NAXD: variants seen among roughly 807,000 people sequenced by gnomAD.
NAXD encodes NAD(P)HX dehydratase, also known as ATP-dependent (S)-NAD(P)H-hydrate dehydratase.
In NAXD, 22 loss-of-function variants were observed where a neutral mutation model predicts 35.8. The ratio of observed to expected loss-of-function variants is 0.62; its 90% CI spans 0.44 to 0.88. NAXD has a LOEUF of 0.88. Ranked by LOEUF, NAXD falls within the 40% of genes least tolerant of loss-of-function variation. The probability of loss-of-function intolerance (pLI) is 0.00; values close to 1 mark genes in which losing one functional copy is unlikely to be tolerated. For synonymous variants in NAXD, 189 were observed against 177.6 expected, an observed-to-expected ratio of 1.06 and a Z score of -0.51; for missense variants, 428 against 437.7, an observed-to-expected ratio of 0.98 and a Z score of 0.20.
chr13:110,621,046 A>G (rs1284422869), intron 1 of NAXD, among the ~76,000 whole-genome samples: 2 of 152,210 alleles, frequency 1.3e-5, no homozygotes, highest in African/African-American at 4.8e-5. Flanking sequence ...GTAGCTGTTT[A>G]GAGACAACTC....
chr13:110,632,944 A>G (rs1886767945), intron 5 of NAXD, among the ~76,000 whole-genome samples: 1 of 152,114 alleles, frequency 6.6e-6, no homozygotes, highest in African/African-American at 2.4e-5. Flanking sequence ...TCCCCACCAG[A>G]CTCAGGAGCC....
Position 110,628,576 on chromosome 13 carries a change from G to C in NAXD, c.441+1029G>C, listed in dbSNP as rs567361399. ...GGCGAGTGATGGAGCCAGCAGTGCA[G>C]GATGAGTCATCTGAGGGGCAGGCAG... On this transcript the variant is annotated intron_variant, in intron 5 of 9. Coordinates refer to ENST00000680254, the MANE Select transcript of NAXD (RefSeq NM_001242882.2). The surrounding 1 kb of genome is among the most constrained non-coding windows in gnomAD (Gnocchi z 4.1). Among the ~76,000 whole-genome samples the C allele has an allele frequency of 5.3e-5, 8 of 152,176 alleles. 1 individual carries two copies. The South Asian group carries it at 1.5e-3, about 28-fold the overall frequency.
chr13:110,637,050 G>A (rs1043609691), intron 8 of NAXD, 79 bp from the exon 9 acceptor site: 12 of 1,492,808 alleles, frequency 8.0e-6, no homozygotes, highest in Middle Eastern at 2.3e-4. Flanking sequence ...CCTGCCGTGC[G>A]GCCTTCCACA....
chr13:110,622,434 C>T (rs1886306225), intron 2 of NAXD, 68 bp downstream of exon 2: 1 of 1,506,082 alleles, frequency 6.6e-7, no homozygotes, highest in Non-Finnish European at 9.2e-7. Flanking sequence ...ACCTGACTGT[C>T]ATTCACGCTG....
intron 5 of NAXD, among the ~76,000 whole-genome samples, chr13:110,627,923 C>T (rs1191752165): frequency 6.6e-6 from 1 of 152,170 alleles, no homozygotes; most frequent in Non-Finnish European, 1.5e-5. Flanking sequence ...GGGGTTCCCT[C>T]AGCCTCCTGG....
At chr13:110,636,022 G>A (rs1886912507) in intron 8 of NAXD, among the ~76,000 whole-genome samples, 1 of 152,246 alleles carries the variant, frequency 6.6e-6, no homozygotes, top group South Asian at 2.1e-4. Flanking sequence ...AGTGCAGAAA[G>A]CCCCGAAGCT....
chr13:110,623,094 A>G (rs1483425080), intron 2 of NAXD, among the ~76,000 whole-genome samples: 1 of 151,898 alleles, frequency 6.6e-6, no homozygotes, highest in Non-Finnish European at 1.5e-5. Flanking sequence ...TTGGAGGACA[A>G]CCTTTGCTAG....
At chr13:110,623,778 G>T (rs1886354599) in intron 2 of NAXD, among the ~76,000 whole-genome samples, 2 of 152,170 alleles carry the variant, frequency 1.3e-5, no homozygotes, top group African/African-American at 4.8e-5. Flanking sequence ...CGAGGCGGGC[G>T]GATCACCTGA....
intron 5 of NAXD, among the ~76,000 whole-genome samples, chr13:110,630,335 G>A (rs1886655855): frequency 6.6e-6 from 1 of 152,088 alleles, no homozygotes; most frequent in South Asian, 2.1e-4. Flanking sequence ...GCCTCTTTGG[G>A]TATCTTCTTT....
rs112138479 is a variant in NAXD, at chr13:110,622,604, A to G, written c.197+238A>G. On this transcript the variant is annotated intron_variant, in intron 2 of 9. Transcript: ENST00000680254. ...TGTTAAGTTTTGTCGTAGTGGGGAAATGAGCCTGTTTTTTCCACTTTCTGC... is the reference window on the plus strand; with the variant it reads ...TGTTAAGTTTTGTCGTAGTGGGGAAGTGAGCCTGTTTTTTCCACTTTCTGC... Among the ~76,000 whole-genome samples the G allele has an allele frequency of 0.011, 1,604 of 152,324 alleles. 21 individuals are homozygous for G. The highest frequency in any genetic ancestry group is 0.041 in the Middle Eastern group (12 of 294).
intron 3 of NAXD, 24 bp from the exon 4 acceptor site, chr13:110,625,166 C>T (rs747014672): frequency 4.4e-6 from 7 of 1,587,390 alleles, no homozygotes; most frequent in East Asian, 4.5e-5. Flanking sequence ...ATCCCTGAGT[C>T]GGCCTCTTGT....
intron 4 of NAXD, 66 bp downstream of exon 4, chr13:110,625,344 A>G: frequency 9.2e-7 from 1 of 1,084,512 alleles, no homozygotes; most frequent in South Asian, 1.3e-5. Flanking sequence ...GGGTTTTGGC[A>G]CTGACACCGA....
intron 5 of NAXD, among the ~76,000 whole-genome samples, chr13:110,629,288 A>T (rs1279981388): frequency 1.3e-5 from 2 of 152,112 alleles, no homozygotes. Flanking sequence ...AACTGCAGAG[A>T]TGGTTTTTTA....
At chr13:110,632,126 A>G (rs1362425601) in intron 5 of NAXD, among the ~76,000 whole-genome samples, 2 of 130,036 alleles carry the variant, frequency 1.5e-5, no homozygotes, top group Non-Finnish European at 3.3e-5. Flanking sequence ...TCTGATGTTC[A>G]GATGTGTTCG....
In NAXD at chr13:110,624,519, C is replaced by T. The variant is rs548815786; in HGVS notation, c.243+240C>T. 7.9e-5 allele frequency among the ~76,000 whole-genome samples: 12 copies of T among 152,246 alleles called. No individual in the cohort carries two copies. In the South Asian group the frequency reaches 2.3e-3, roughly 29 times the overall value. On this transcript the variant is annotated intron_variant, in intron 3 of 9. Coordinates refer to ENST00000680254, the MANE Select transcript of NAXD (RefSeq NM_001242882.2). ...TTTTGCCCAGGCTGGAGTGCAATGG[C>T]GGGATCTCGGCTCACAGCAACCTCC...
chr13:110,635,527 C>T lies in NAXD; in HGVS notation c.657C>T (p.Ala219=), dbSNP rs780243440. The T allele has an allele frequency of 1.2e-6, 2 of 1,614,184 alleles. No individual in the cohort carries two copies. The highest frequency in any genetic ancestry group is 1.7e-6 in the Non-Finnish European group (2 of 1,180,026). ...GATCTGTGCTAAGACTCAGCCAAGC[C>T]CTGGGCAACGTGACGGTGGTCCAGA... ...SHGSVLRLSQ[A]LGNVTVVQKG... The change falls in exon 8 of 10, where the codon GCC becomes GCT. Residue 219 remains alanine (A), a synonymous_variant. Coordinates refer to ENST00000680254, the MANE Select transcript of NAXD (RefSeq NM_001242882.2).
chr13:110,618,916 C>G (rs1376534217), intron 1 of NAXD, among the ~76,000 whole-genome samples: 1 of 152,218 alleles, frequency 6.6e-6, no homozygotes, highest in African/African-American at 2.4e-5. Flanking sequence ...GAAGCTTTTC[C>G]GCTCTGGGGA....
At position 110,637,157 on chromosome 13, in the gene NAXD, C is replaced by A; in HGVS notation, c.747C>A (p.Ser249Arg). ...TTGTGTGCAGCCAGGAAGGCAGCAG[C>A]CGCAGGTGTGGAGGGCAAGGGGACC... Reference protein sequence around the residue: ...QVLVCSQEGSSRRCGGQGDLL... With the variant: ...QVLVCSQEGSRRRCGGQGDLL... The change falls in exon 9 of 10, where the codon AGC (serine) becomes AGA (arginine). Residue 249 changes from serine (S) to arginine (R), a missense_variant. This residue lies in a region of NAXD where 209 missense variants were observed against 214.6 expected (regional missense o/e 0.97). Coordinates refer to ENST00000680254, the MANE Select transcript of NAXD (RefSeq NM_001242882.2). The A allele has an allele frequency of 6.2e-7, 1 of 1,613,788 alleles. No individual in the cohort carries two copies. Among genetic ancestry groups the A allele is most frequent in the Non-Finnish European group, 8.5e-7 (1 of 1,179,898 alleles).
rs559153588 is a variant in NAXD, at chr13:110,618,062, C to T, written c.46+2415C>T. The stretch of plus-strand genomic sequence containing the variant: ...TTCCTTCTTATGTCCAGGTCAGCCC[C>T]TACCATGTAGGTTGTCTGTGTGCTC... On this transcript the variant is annotated intron_variant, in intron 1 of 9. Coordinates refer to ENST00000680254, the MANE Select transcript of NAXD (RefSeq NM_001242882.2). Among the ~76,000 whole-genome samples the T allele has an allele frequency of 2.0e-5, 3 of 152,262 alleles. No homozygotes were observed. In the East Asian group the frequency reaches 5.8e-4, roughly 29 times the overall value.
Sources: gnomAD v4.1 joint callset for allele counts (sites outside exome capture counted in the v4.1 genomes callset) on GRCh38, gnomAD v4.1.1 for gene constraint, gnomAD v4.1.1 regional missense constraint, Gnocchi (gnomAD v3.1) non-coding constraint, MANE v1.5 for transcripts, NCBI Gene and HGNC (gene_info 2026-07-23, HGNC 2026-07-21) for gene names.